The following USH2A variants were observed in gnomAD, a reference collection of about 807,000 sequenced individuals.
The protein encoded by USH2A is Usher syndrome 2A (autosomal recessive, mild).
In USH2A, 443 loss-of-function variants were observed where a neutral mutation model predicts 538.9. The observed-to-expected ratio is 0.82, with a 90% CI of 0.76 to 0.89. USH2A has a LOEUF of 0.89. Ranked by LOEUF, USH2A falls within the 40% of genes least tolerant of loss-of-function variation. The probability of loss-of-function intolerance (pLI) is 0.00; values close to 1 mark genes in which losing one functional copy is unlikely to be tolerated. For missense variants in USH2A, 6,633 were observed against 6,324.8 expected, an observed-to-expected ratio of 1.05 and a Z score of -1.65; for synonymous variants, 2,413 against 2,273.5, an observed-to-expected ratio of 1.06 and a Z score of -1.75.
At chr1:216,135,958 A>G (rs2033478568) in intron 21 of USH2A, among the ~76,000 whole-genome samples, 2 of 152,054 alleles carry the variant, frequency 1.3e-5, no homozygotes, top group Admixed American at 6.6e-5. Flanking sequence ...ATATATATAT[A>G]TGTATGAAGT....
intron 44 of USH2A, among the ~76,000 whole-genome samples, chr1:215,862,929 A>G (rs905450691): frequency 6.6e-6 from 1 of 152,270 alleles, no homozygotes; most frequent in Non-Finnish European, 1.5e-5. Context: ...GGCTGCATAC[A>G]ATGTTGGCGG....
intron 26 of USH2A, among the ~76,000 whole-genome samples, chr1:216,081,128 G>A (rs1257051339): frequency 1.3e-5 from 2 of 152,112 alleles, no homozygotes; most frequent in Non-Finnish European, 2.9e-5. Flanking sequence ...AAAGCGAGGT[G>A]GCTGGACTGA....
intron 43 of USH2A, among the ~76,000 whole-genome samples, chr1:215,876,224 T>A (rs1664765301): frequency 1.3e-5 from 2 of 152,140 alleles, no homozygotes; most frequent in Admixed American, 1.3e-4. Context: ...TAATTTAGGA[T>A]AAGCAACATG....
intron 10 of USH2A, among the ~76,000 whole-genome samples, chr1:216,291,540 T>A (rs2037002244): frequency 6.6e-6 from 1 of 152,202 alleles, no homozygotes; most frequent in African/African-American, 2.4e-5. Context: ...AGCCGATAAA[T>A]GGATTCATGC....
At chr1:216,280,648 A>G (rs548418415) in intron 11 of USH2A, among the ~76,000 whole-genome samples, 2 of 152,264 alleles carry the variant, frequency 1.3e-5, no homozygotes, top group South Asian at 4.1e-4. Flanking sequence ...GGATTCAGTG[A>G]CTCAGAGCAT....
chr1:216,055,942 T>G (rs754757630), intron 30 of USH2A, among the ~76,000 whole-genome samples: 1 of 152,230 alleles, frequency 6.6e-6, no homozygotes, highest in African/African-American at 2.4e-5. Context: ...TAGAATATCA[T>G]ATACCTATCA....
intron 11 of USH2A, among the ~76,000 whole-genome samples, chr1:216,285,792 A>C (rs1235830259): frequency 6.6e-6 from 1 of 152,206 alleles, no homozygotes; most frequent in East Asian, 1.9e-4. Context: ...CCTGGATGTA[A>C]GATATGGAGT....
At chr1:216,140,572 T>C (rs1018217719) in intron 21 of USH2A, among the ~76,000 whole-genome samples, 10 of 152,204 alleles carry the variant, frequency 6.6e-5, no homozygotes, top group Non-Finnish European at 1.2e-4. Flanking sequence ...TTTGATCTCA[T>C]GTTTTGAGTT....
At chr1:216,013,336 G>T (rs894988077) in intron 32 of USH2A, among the ~76,000 whole-genome samples, 2 of 150,388 alleles carry the variant, frequency 1.3e-5, no homozygotes, top group African/African-American at 4.9e-5. Context: ...CCCTAATCCC[G>T]CTCGAAGCAG....
Position 215,674,571 on chromosome 1 carries a change from A to G in USH2A, c.13340T>C (p.Met4447Thr). The change falls in exon 63 of 72, where the codon ATG becomes ACG. Residue 4447 changes from methionine to threonine, a missense_variant. Transcript: ENST00000307340. ...AWTMEALPEN[M>T]DSPTLQVTGS... ...TGTGACTTGCAATGTTGGAGAGTCC[A>G]TGTTCTCTGGCAGGGCCTCCATTGT... The G allele has an allele frequency of 1.2e-6, 2 of 1,614,136 alleles. No individual in the cohort carries two copies. Among genetic ancestry groups the G allele is most frequent in the Middle Eastern group, 1.6e-4 (1 of 6,062 alleles).
chr1:215,938,175 G>C (rs563664343), intron 37 of USH2A, among the ~76,000 whole-genome samples: 1 of 152,050 alleles, frequency 6.6e-6, no homozygotes, highest in African/African-American at 2.4e-5. Flanking sequence ...AAAAGAACTT[G>C]TACATCTCCA....
chr1:216,241,224 T>TA (rs2035930456), intron 13 of USH2A, among the ~76,000 whole-genome samples: 4 of 152,146 alleles, frequency 2.6e-5, no homozygotes, highest in Admixed American at 2.6e-4. Context: ...ATCTACATTT[T>TA]AAAAATCAAG....
chr1:215,711,589 C>G (rs1254890404), intron 61 of USH2A, among the ~76,000 whole-genome samples: 2 of 152,080 alleles, frequency 1.3e-5, no homozygotes, highest in African/African-American at 4.8e-5. Context: ...CTGGAAATCC[C>G]TAAAGTTTTT....
intron 21 of USH2A, among the ~76,000 whole-genome samples, chr1:216,133,719 T>C (rs1187431358): frequency 6.6e-6 from 1 of 152,140 alleles, no homozygotes; most frequent in Non-Finnish European, 1.5e-5. Flanking sequence ...AGGTCTATTT[T>C]TTCACATCTT....
At position 215,780,034 on chromosome 1, in the gene USH2A, G is replaced by A. The variant is rs1661584369; in HGVS notation, c.10748C>T (p.Ala3583Val). 1.2e-6 allele frequency: 2 copies of A among 1,614,110 alleles called. No individual in the cohort carries two copies. The highest frequency in any genetic ancestry group is 1.7e-6 in the Non-Finnish European group (2 of 1,180,028). The change falls in exon 55 of 72, where the codon GCA becomes GTA. Residue 3583 changes from alanine to valine, a missense_variant. Physicochemically the swap from Ala to Val is moderately conservative, Grantham distance 64. Coordinates refer to ENST00000307340, the MANE Select transcript of USH2A (RefSeq NM_206933.4). ...CTCCGGAACTCCTTGGGTAGTAGCT[G>A]CAACTACCTGAAGACGTAGGAATTA... Reference protein sequence around the residue: ...AGCATSSKVVAATTQGVPESI... With the variant: ...AGCATSSKVVVATTQGVPESI...
In USH2A at chr1:215,928,728, A is replaced by G. The variant is rs917746957; in HGVS notation, c.7300+5888T>C. On this transcript the variant is annotated intron_variant, in intron 38 of 71. Coordinates refer to ENST00000307340, the MANE Select transcript of USH2A (RefSeq NM_206933.4). ...CAGTCCAGCCTCCTTAAGCCAGGAG[A>G]ACCATGCTGACAACTCACACAATCA... 2.6e-5 allele frequency among the ~76,000 whole-genome samples: 4 copies of G among 152,084 alleles called. No individual in the cohort carries two copies. In the South Asian group the frequency reaches 8.3e-4, roughly 31 times the overall value.
intron 3 of USH2A, among the ~76,000 whole-genome samples, chr1:216,386,683 G>C (rs1027560756): frequency 2.0e-5 from 3 of 149,090 alleles, no homozygotes; most frequent in Non-Finnish European, 4.5e-5. Flanking sequence ...GTGAAACCCC[G>C]TCTCTACTAA....
At chr1:216,272,596 C>G (rs2036593739) in intron 11 of USH2A, among the ~76,000 whole-genome samples, 1 of 152,112 alleles carries the variant, frequency 6.6e-6, no homozygotes, top group Non-Finnish European at 1.5e-5. Context: ...CTGCCTGCTA[C>G]TCGTTGACTC....
chr1:216,275,021 C>T lies in USH2A; in HGVS notation c.1971+14259G>A, dbSNP rs539403585. On this transcript the variant is annotated intron_variant, in intron 11 of 71. Transcript: ENST00000307340. ...AGACAGAAAGAGTGTAAAGAGGTTC[C>T]CCACATACTGCTGTTCCCAGCAATG... is the stretch of plus-strand genomic sequence containing the variant. Among the ~76,000 whole-genome samples, 8 of 152,086 alleles carry T rather than the reference C, an allele frequency of 5.3e-5. No homozygotes were observed. In the South Asian group the frequency reaches 1.7e-3, roughly 32 times the overall value.
Sources: gnomAD v4.1 joint callset for allele counts (sites outside exome capture counted in the v4.1 genomes callset) on GRCh38, gnomAD v4.1.1 for gene constraint, MANE v1.5 for transcripts, NCBI Gene and HGNC (gene_info 2026-07-23, HGNC 2026-07-21) for gene names.